The following EVL variants were observed in gnomAD, a reference collection of about 807,000 sequenced individuals.
EVL encodes the protein Enah/Vasp-like.
Under a neutral mutation model 59.6 loss-of-function variants are expected in EVL, and 21 were observed. That is an observed-to-expected ratio of 0.35 (90% CI 0.25 to 0.51). The LOEUF (loss-of-function observed/expected upper bound fraction) is 0.51, where lower values mean the gene tolerates loss of function less well. Among genes scored for constraint, EVL ranks in the 20% least tolerant of loss-of-function variants. The probability of loss-of-function intolerance (pLI) is 0.97; values close to 1 mark genes in which losing one functional copy is unlikely to be tolerated. For missense variants in EVL, 462 were observed against 546.6 expected (o/e 0.85, Z 1.54); for synonymous variants, 198 against 203.5 (o/e 0.97, Z 0.23).
chr14:100,087,086 A>G (rs2062460705), intron 2 of EVL, among the ~76,000 whole-genome samples: 1 of 152,222 alleles, frequency 6.6e-6, no homozygotes, highest in Non-Finnish European at 1.5e-5. Flanking sequence ...TTACATGTTT[A>G]ATGCTCTTTA....
chr14:100,094,111 T>A (rs1885637143), intron 2 of EVL, among the ~76,000 whole-genome samples: 1 of 151,892 alleles, frequency 6.6e-6, no homozygotes, highest in African/African-American at 2.4e-5. Context: ...AAGCGGGGAC[T>A]ACCATACTGG....
chr14:100,005,980 CT>C (rs1183782571), intron 1 of EVL, among the ~76,000 whole-genome samples: 17 of 143,068 alleles, frequency 1.2e-4, no homozygotes, highest in Middle Eastern at 3.6e-3. Flanking sequence ...AAAATCTTTC[CT>C]TTTTTTTTTC....
At chr14:100,120,472 T>A (rs1887626555) in intron 3 of EVL, among the ~76,000 whole-genome samples, 1 of 152,142 alleles carries the variant, frequency 6.6e-6, no homozygotes. Context: ...TGTCAGTTTT[T>A]AAGAGAGGCG....
chr14:100,023,579 G>C (rs759531653), intron 1 of EVL, among the ~76,000 whole-genome samples: 1 of 151,070 alleles, frequency 6.6e-6, no homozygotes, highest in East Asian at 1.9e-4. Context: ...CCCCTGCCTC[G>C]GCCTCCCAAA....
chr14:100,134,393 A>G (rs942323577), intron 8 of EVL, among the ~76,000 whole-genome samples: 3 of 152,194 alleles, frequency 2.0e-5, no homozygotes, highest in Non-Finnish European at 4.4e-5. Flanking sequence ...TGGAAGAGGA[A>G]CATTCTTGAA....
chr14:100,017,712 G>T (rs1044369918), intron 1 of EVL, among the ~76,000 whole-genome samples: 2 of 152,160 alleles, frequency 1.3e-5, no homozygotes, highest in African/African-American at 4.8e-5. Flanking sequence ...TTATGATTCT[G>T]CCAAGAAGCT....
intron 2 of EVL, among the ~76,000 whole-genome samples, chr14:100,094,407 A>C (rs966057450): frequency 9.2e-5 from 14 of 152,114 alleles, no homozygotes; most frequent in Non-Finnish European, 1.6e-4. Flanking sequence ...CACTCATCTT[A>C]AGTTCCTCTC....
At chr14:100,036,871 C>A (rs886479490) in intron 1 of EVL, among the ~76,000 whole-genome samples, 1 of 152,106 alleles carries the variant, frequency 6.6e-6, no homozygotes, top group Non-Finnish European at 1.5e-5. Context: ...AGAGATAGGG[C>A]CTTTAAGGAT....
intron 3 of EVL, among the ~76,000 whole-genome samples, chr14:100,113,758 C>G (rs1295884852): frequency 6.6e-6 from 1 of 152,076 alleles, no homozygotes; most frequent in Non-Finnish European, 1.5e-5. Flanking sequence ...TGGTGTATTC[C>G]TGAGGGAGGG....
At chr14:99,986,746 G>A (rs2140174786) in intron 1 of EVL, among the ~76,000 whole-genome samples, 1 of 152,300 alleles carries the variant, frequency 6.6e-6, no homozygotes, top group South Asian at 2.1e-4. Flanking sequence ...TCTACAACTG[G>A]ACTTACTACC....
At chr14:100,045,779 C>T (rs922430187) in intron 1 of EVL, among the ~76,000 whole-genome samples, 1 of 152,152 alleles carries the variant, frequency 6.6e-6, no homozygotes, top group Non-Finnish European at 1.5e-5. Context: ...GGTGTTTGTT[C>T]TCCCTGGGTG....
chr14:100,024,724 C>T (rs2061181474), intron 1 of EVL, among the ~76,000 whole-genome samples: 1 of 152,048 alleles, frequency 6.6e-6, no homozygotes, highest in South Asian at 2.1e-4. Flanking sequence ...CACATCAGAA[C>T]TTGTCCTAAA....
chr14:100,040,499 AAGC>A (rs1451663746), intron 1 of EVL, among the ~76,000 whole-genome samples: 2 of 152,144 alleles, frequency 1.3e-5, no homozygotes, highest in Non-Finnish European at 2.9e-5. Context: ...GCCCCTCAGA[AAGC>A]AGCCATCTGG....
intron 1 of EVL, among the ~76,000 whole-genome samples, chr14:99,993,028 A>G (rs1368434020): frequency 6.8e-6 from 1 of 147,920 alleles, no homozygotes; most frequent in Non-Finnish European, 1.5e-5. Context: ...CCATTCTTGC[A>G]TTCCAGGCAT....
chr14:100,087,782 T>TGCTCTGCTCC (rs1228531648), intron 2 of EVL, among the ~76,000 whole-genome samples: 1 of 152,212 alleles, frequency 6.6e-6, no homozygotes, highest in African/African-American at 2.4e-5. Flanking sequence ...TGCTCTGCTC[T>TGCTCTGCTCC]GCTCTGCTCT....
rs1310538132 is a variant in EVL at position 100,109,783 on chromosome 14, C to T, written c.358+12125C>T. 2.0e-6 allele frequency: 1 copy of T among 498,210 alleles called. No individual in the cohort carries two copies. The highest frequency in any genetic ancestry group is 4.2e-6 in the Non-Finnish European group (1 of 238,918). The allele number at this position is 498,210 out of a possible 1,614,324, so 30.9% of individuals were successfully genotyped here. On this transcript the variant is annotated intron_variant, in intron 3 of 13. Coordinates refer to ENST00000392920, the MANE Select transcript of EVL (RefSeq NM_016337.3). The surrounding 1 kb of genome is among the most constrained non-coding windows in gnomAD (Gnocchi z 4.3). Reference sequence around the variant, plus strand: ...CACCCCAAACAGAGGAACACGCCTTCTCCAGCCACAGCCTATGGAAGGGCC... The same window carrying T: ...CACCCCAAACAGAGGAACACGCCTTTTCCAGCCACAGCCTATGGAAGGGCC...
intron 3 of EVL, among the ~76,000 whole-genome samples, chr14:100,119,919 G>A (rs192005811): frequency 2.6e-5 from 4 of 152,266 alleles, no homozygotes; most frequent in South Asian, 2.1e-4. Flanking sequence ...GCAGACCATC[G>A]TTGCCATACA....
In EVL at chr14:100,109,891, G is replaced by T; in HGVS notation, c.358+12233G>T. ...CGGATCTGGTTCCAGTACCAGCTGT[G>T]CCAGGAGTGTGCCCTTGGGCATGTC... On this transcript the variant is annotated intron_variant, in intron 3 of 13. Transcript: ENST00000392920. This position sits in a 1 kb window ranked among gnomAD's most constrained non-coding sequence, Gnocchi z 4.3. 5.4e-6 allele frequency: 2 copies of T among 372,422 alleles called. No homozygotes were observed. Among genetic ancestry groups the T allele is most frequent in the Non-Finnish European group, 1.1e-5 (2 of 183,602 alleles). The allele number at this position is 372,422 out of a possible 1,614,324, so 23.1% of individuals were successfully genotyped here.
rs1255504546 is a variant in EVL, at chr14:99,987,590, C to T, written c.5+15533C>T. On this transcript the variant is annotated intron_variant, in intron 1 of 13. Transcript: ENST00000402714. ...CCGGGAGGTGGAGGTTGCAGTGAGC[C>T]GAGATTGCACCACTGCACTCCAACC... Among the ~76,000 whole-genome samples the T allele has an allele frequency of 3.3e-5, 5 of 152,220 alleles. No homozygotes were observed. In the East Asian group the frequency reaches 5.8e-4, roughly 18 times the overall value.
Sources: gnomAD v4.1 joint callset for allele counts (sites outside exome capture counted in the v4.1 genomes callset) on GRCh38, gnomAD v4.1.1 for gene constraint, Gnocchi (gnomAD v3.1) non-coding constraint, MANE v1.5 for transcripts, NCBI Gene and HGNC (gene_info 2026-07-23, HGNC 2026-07-21) for gene names.